The following TBC1D4 variants were observed in gnomAD, a reference collection of about 807,000 sequenced individuals.
TBC1D4 encodes the protein TBC1 domain family member 4, also known as TBC (Tre-2, BUB2, CDC16) domain-containing protein.
TBC1D4 carries 121 observed loss-of-function variants against 142.5 expected under a neutral mutation model. The ratio of observed to expected loss-of-function variants is 0.85; its 90% CI spans 0.73 to 0.99. TBC1D4 has a LOEUF of 0.99. TBC1D4 is among the 50% of genes least tolerant of loss of function. The probability of loss-of-function intolerance (pLI) is 0.00; values close to 1 mark genes in which losing one functional copy is unlikely to be tolerated. For missense variants in TBC1D4, 1,475 were observed against 1,606.6 expected (o/e 0.92, Z 1.40); for synonymous variants, 630 against 628.2 (o/e 1.00, Z -0.04).
chr13:75,472,292 G>A (rs924515303), intron 1 of TBC1D4, among the ~76,000 whole-genome samples: 1 of 151,794 alleles, frequency 6.6e-6, no homozygotes, highest in Admixed American at 6.6e-5. Flanking sequence ...GCTGGCAGGC[G>A]CCTGTAGTCC....
chr13:75,292,881 G>A lies in TBC1D4; in HGVS notation c.3317-610C>T, dbSNP rs772433463. Among the ~76,000 whole-genome samples, 4 of 152,178 alleles carry A rather than the reference G, an allele frequency of 2.6e-5. No homozygotes were observed. The East Asian group carries it at 5.8e-4, about 22-fold the overall frequency. The stretch of plus-strand genomic sequence containing the variant: ...AAAAGTATCAAGTACTAGGCCGGGC[G>A]TGTTGGCTCACATCTGTAAACCCAA... On this transcript the variant is annotated intron_variant, in intron 18 of 20. Transcript: ENST00000377636.
intron 1 of TBC1D4, among the ~76,000 whole-genome samples, chr13:75,396,548 G>A (rs1404233469): frequency 6.6e-6 from 1 of 151,890 alleles, no homozygotes; most frequent in Non-Finnish European, 1.5e-5. Context: ...TCACAATAAT[G>A]ATTTCCTAAT....
chr13:75,362,373 C>T lies in TBC1D4; in HGVS notation c.733G>A (p.Gly245Ser), dbSNP rs567936519. ...QRLKIQGEQR[G>S]PDPGEDLADL... The stretch of plus-strand genomic sequence containing the variant: ...GCCAGGTCCTCTCCTGGGTCCGGAC[C>T]GCGCTGCTCCCCTTGGATCTTCAGG... Residue 245 changes from glycine (G) to serine (S), a missense_variant, in exon 2 of 21, where the codon GGT (glycine) becomes AGT (serine). Gly to Ser is a moderately conservative substitution (Grantham distance 56). Transcript: ENST00000377636. This position sits in a 1 kb window ranked among gnomAD's most constrained non-coding sequence, Gnocchi z 4.2. 3 of 1,614,100 alleles carry T rather than the reference C, an allele frequency of 1.9e-6. No individual in the cohort carries two copies.
In TBC1D4 at chr13:75,299,337, G is replaced by A. The variant is rs767493446; in HGVS notation, c.3149C>T (p.Ser1050Leu). ...FRKQYRPDMM[S>L]LQIQMYQLSR... is the part of the protein sequence containing the mutation. ...GAAGCACAAGTGCCTCACCTGCAGC[G>A]ACATCATGTCAGGTCTGTACTGCTT... Residue 1050 changes from serine (S) to leucine (L), a missense_variant, in exon 17 of 21, where the codon TCG becomes TTG. Ser to Leu is a moderately radical substitution (Grantham distance 145). Coordinates refer to ENST00000377636, the MANE Select transcript of TBC1D4 (RefSeq NM_014832.5). The A allele has an allele frequency of 1.7e-5, 28 of 1,613,932 alleles. No homozygotes were observed. The highest frequency in any genetic ancestry group is 7.7e-5 in the South Asian group (7 of 91,068).
chr13:75,403,214 C>G (rs977517214), intron 1 of TBC1D4, among the ~76,000 whole-genome samples: 1 of 152,178 alleles, frequency 6.6e-6, no homozygotes, highest in African/African-American at 2.4e-5. Context: ...CCACCGGATC[C>G]TCTACTTCAC....
chr13:75,429,727 T>C (rs1306456448), intron 1 of TBC1D4, among the ~76,000 whole-genome samples: 3 of 151,186 alleles, frequency 2.0e-5, no homozygotes. Context: ...CTGAGAGAAA[T>C]TGGAAAAAAT....
chr13:75,297,874 A>C (rs1876114809), intron 17 of TBC1D4, among the ~76,000 whole-genome samples: 1 of 152,196 alleles, frequency 6.6e-6, no homozygotes, highest in Non-Finnish European at 1.5e-5. Flanking sequence ...GTCATCAATG[A>C]GGAATCAAAT....
intron 1 of TBC1D4, among the ~76,000 whole-genome samples, chr13:75,442,735 C>T (rs111730529): frequency 0.11 from 17,220 of 150,362 alleles, 1,931 homozygotes; most frequent in African/African-American, 0.29. Flanking sequence ...GCCGAGATCG[C>T]GCCACTGCAC....
chr13:75,472,490 A>G (rs1359155235), intron 1 of TBC1D4, among the ~76,000 whole-genome samples: 2 of 152,208 alleles, frequency 1.3e-5, no homozygotes, highest in African/African-American at 4.8e-5. Flanking sequence ...CACCACCACT[A>G]TGTTCATGCC....
chr13:75,444,949 T>C (rs1314333619), intron 1 of TBC1D4, among the ~76,000 whole-genome samples: 9 of 152,200 alleles, frequency 5.9e-5, no homozygotes, highest in Admixed American at 3.3e-4. Flanking sequence ...TTATGTACAT[T>C]ACATCATTTA....
At chr13:75,423,339 A>C (rs548189017) in intron 1 of TBC1D4, among the ~76,000 whole-genome samples, 1 of 152,296 alleles carries the variant, frequency 6.6e-6, no homozygotes, top group Non-Finnish European at 1.5e-5. Flanking sequence ...GTCCAAAAGA[A>C]AGCAGTATGA....
At chr13:75,305,755 AGTTTT>A (rs1313171176) in intron 15 of TBC1D4, among the ~76,000 whole-genome samples, 2 of 152,192 alleles carry the variant, frequency 1.3e-5, no homozygotes, top group African/African-American at 4.8e-5. Flanking sequence ...TTGACTTATT[AGTTTT>A]ATTTTTAAAT....
At chr13:75,480,867 GCACA>G (rs1361059086) in intron 1 of TBC1D4, among the ~76,000 whole-genome samples, 1 of 114,558 alleles carries the variant, frequency 8.7e-6, no homozygotes, top group African/African-American at 3.4e-5. Flanking sequence ...GCGCTCGCGC[GCACA>G]CGCACGCACA....
At chr13:75,472,271 T>A (rs949976002) in intron 1 of TBC1D4, among the ~76,000 whole-genome samples, 1 of 151,122 alleles carries the variant, frequency 6.6e-6, no homozygotes, top group Non-Finnish European at 1.5e-5. Context: ...ATACAAAAAT[T>A]AGCTGGGTGT....
intron 1 of TBC1D4, among the ~76,000 whole-genome samples, chr13:75,408,320 A>G (rs1180815750): frequency 6.6e-6 from 1 of 152,184 alleles, no homozygotes; most frequent in African/African-American, 2.4e-5. Flanking sequence ...ATTCCATCAT[A>G]TGGATATGAA....
chr13:75,430,794 C>T (rs1006832097), intron 1 of TBC1D4, among the ~76,000 whole-genome samples: 3 of 152,136 alleles, frequency 2.0e-5, no homozygotes, highest in Non-Finnish European at 2.9e-5. Flanking sequence ...CGGTACAGCA[C>T]TTCACTCTCT....
At chr13:75,366,994 T>A in intron 1 of TBC1D4, 3 of 985,212 alleles carry the variant, frequency 3.0e-6, no homozygotes, top group African/African-American at 1.7e-5. Context: ...TCCTCAGTAT[T>A]AGCTCTAAGT....
intron 8 of TBC1D4, among the ~76,000 whole-genome samples, chr13:75,331,095 A>G (rs1388788271): frequency 6.6e-6 from 1 of 152,236 alleles, no homozygotes; most frequent in Non-Finnish European, 1.5e-5. Context: ...GTTACTTTAA[A>G]ATTATACTCT....
intron 1 of TBC1D4, among the ~76,000 whole-genome samples, chr13:75,390,377 G>A (rs935419730): frequency 4.6e-5 from 7 of 151,936 alleles, no homozygotes; most frequent in African/African-American, 1.5e-4. Context: ...GGGTCCAGGA[G>A]ATTAGGTACA....
Sources: allele counts gnomAD v4.1 joint callset (sites outside exome capture counted in the v4.1 genomes callset), GRCh38; gene constraint gnomAD v4.1.1; non-coding constraint Gnocchi (gnomAD v3.1); transcripts MANE v1.5; gene names NCBI Gene and HGNC (gene_info 2026-07-23, HGNC 2026-07-21).